Variants in AKAP11 observed in about 807,000 individuals in gnomAD.
The protein encoded by AKAP11 is A-kinase anchoring protein 11, also known as A-kinase anchor protein 11.
A neutral mutation model predicts 146.1 loss-of-function variants in AKAP11; 36 were observed. That is an observed-to-expected ratio of 0.25 (90% confidence interval 0.19 to 0.33). The LOEUF (loss-of-function observed/expected upper bound fraction) is 0.33. AKAP11 is among the 10% of genes least tolerant of loss of function. The pLI, the probability that AKAP11 is intolerant of heterozygous loss-of-function variation, is 1.00. For missense variants in AKAP11, 2,201 were observed against 2,197.0 expected (o/e 1.00, Z -0.04); for synonymous variants, 780 against 786.5 (o/e 0.99, Z 0.14).
chr13:42,282,463 A>C (rs1006428803), intron 1 of AKAP11, among the ~76,000 whole-genome samples: 1 of 152,028 alleles, frequency 6.6e-6, no homozygotes, highest in African/African-American at 2.4e-5. Flanking sequence ...AGTCTTTCAC[A>C]TATCTTTGTG....
chr13:42,299,199 A>G (rs537657515), intron 7 of AKAP11, among the ~76,000 whole-genome samples, 164 bp from the exon 8 acceptor site: 1 of 152,208 alleles, frequency 6.6e-6, no homozygotes, highest in African/African-American at 2.4e-5. Flanking sequence ...TATAAACAGT[A>G]TATTTACTTT....
chr13:42,308,289 A>G (rs1236076708), intron 8 of AKAP11, among the ~76,000 whole-genome samples, 165 bp from the exon 9 acceptor site: 3 of 152,186 alleles, frequency 2.0e-5, no homozygotes, highest in Non-Finnish European at 4.4e-5. Context: ...GCTATCCTAC[A>G]GTCTGTTTGT....
Position 42,301,313 on chromosome 13 carries a change from A to G in AKAP11, c.2567A>G (p.Asp856Gly). The G allele has an allele frequency of 6.2e-7, 1 of 1,613,944 alleles. No homozygotes were observed. The highest frequency in any genetic ancestry group is 8.5e-7 in the Non-Finnish European group (1 of 1,179,970). Residue 856 changes from aspartate to glycine, a missense_variant, in exon 8 of 13, where the codon GAT (aspartate) becomes GGT (glycine). Transcript: ENST00000025301. ...NQNDFKPTND[D>G]IEMQSSSKLP... ...AATGATTTTAAACCAACTAATGACGATATTGAAATGCAGAGTTCCTCAAAA... is the reference window on the plus strand; with the variant it reads ...AATGATTTTAAACCAACTAATGACGGTATTGAAATGCAGAGTTCCTCAAAA...
At position 42,301,605 on chromosome 13, in the gene AKAP11, G is replaced by A. The variant is rs939595380; in HGVS notation, c.2859G>A (p.Lys953=). 2 of 1,613,916 alleles carry A rather than the reference G, an allele frequency of 1.2e-6. No homozygotes were observed. The highest frequency in any genetic ancestry group is 1.7e-6 in the Non-Finnish European group (2 of 1,179,980). Residue 953 remains lysine, a synonymous_variant, in exon 8 of 13, where the codon AAG becomes AAA. Coordinates refer to ENST00000025301, the MANE Select transcript of AKAP11 (RefSeq NM_016248.4). ...CTATTATTAAACATTCCATAGATAA[G>A]AGCAAATCAGTGATCCCAAATATAG... ...SKSIIKHSID[K]SKSVIPNIDK...
rs878923334 is a variant in AKAP11, at chr13:42,322,825, A to G, written c.*3597A>G. Reference sequence around the variant, plus strand: ...CATTCCTTTCATAGGGTAGAGTTCTAGTTCTAGAAGTTCTTATTTTGTTTT... The same window carrying G: ...CATTCCTTTCATAGGGTAGAGTTCTGGTTCTAGAAGTTCTTATTTTGTTTT... On this transcript the variant is annotated 3_prime_UTR_variant, in exon 13 of 13. Transcript: ENST00000025301. The G allele has an allele frequency of 6.5e-5, 10 of 152,692 alleles. No individual in the cohort carries two copies. In the South Asian group the frequency reaches 1.7e-3, roughly 25 times the overall value. 9.5% of individuals were successfully genotyped at this position (152,692 alleles called of 1,614,324 possible).
In AKAP11 at chr13:42,300,275, A is replaced by G. The variant is rs1415880935; in HGVS notation, c.1529A>G (p.Asn510Ser). The change falls in exon 8 of 13, where the codon AAT becomes AGT. Residue 510 changes from asparagine to serine, a missense_variant. Around this residue, in one of 3 missense-constraint regions of AKAP11, gnomAD observed 1,867 missense variants for 1,833.5 expected, o/e 1.02. Transcript: ENST00000025301. ...LGSVLRTHHT[N>S]TLSNINSIKH... ...TCAGTTCTTCGTACCCACCATACTA[A>G]TACCCTATCAAATATTAACAGTATT... 1.9e-6 allele frequency: 3 copies of G among 1,613,658 alleles called. No homozygotes were observed. The highest frequency in any genetic ancestry group is 3.3e-5 in the Admixed American group (2 of 59,980).
chr13:42,301,224 A>T lies in AKAP11; in HGVS notation c.2478A>T (p.Arg826Ser). The T allele has an allele frequency of 1.9e-6, 3 of 1,614,062 alleles. No individual in the cohort carries two copies. In the South Asian group the frequency reaches 3.3e-5, roughly 18 times the overall value. ...SAQVHIATKNREEKAACLRNI... is the reference protein window; with the variant it reads ...SAQVHIATKNSEEKAACLRNI... Reference sequence around the variant, plus strand: ...AAGTGCATATTGCCACAAAAAACAGAGAAGAAAAAGCAGCTTGTCTCAGAA... The same window carrying T: ...AAGTGCATATTGCCACAAAAAACAGTGAAGAAAAAGCAGCTTGTCTCAGAA... The change falls in exon 8 of 13, where the codon AGA becomes AGT. Residue 826 changes from arginine to serine, a missense_variant. By Grantham distance (110) the Arg-to-Ser change is moderately radical (BLOSUM62 -1). Around this residue, in one of 3 missense-constraint regions of AKAP11, gnomAD observed 1,867 missense variants for 1,833.5 expected, o/e 1.02. Coordinates refer to ENST00000025301, the MANE Select transcript of AKAP11 (RefSeq NM_016248.4).
intron 1 of AKAP11, among the ~76,000 whole-genome samples, chr13:42,278,941 TTTCTTC>T (rs925718381): frequency 6.6e-6 from 1 of 152,222 alleles, no homozygotes; most frequent in Non-Finnish European, 1.5e-5. Context: ...CTTTTTTTTT[TTTCTTC>T]TTCTTAGTAC....
chr13:42,298,650 G>A lies in AKAP11; in HGVS notation c.469G>A (p.Asp157Asn), dbSNP rs760681829. 3 of 1,612,216 alleles carry A rather than the reference G, an allele frequency of 1.9e-6. No individual in the cohort carries two copies. Among genetic ancestry groups the A allele is most frequent in the Non-Finnish European group, 2.5e-6 (3 of 1,179,368 alleles). Residue 157 changes from aspartate (D) to asparagine (N), a missense_variant, in exon 7 of 13, where the codon GAC (aspartate) becomes AAC (asparagine). Asp to Asn is a conservative substitution (Grantham distance 23). Coordinates refer to ENST00000025301, the MANE Select transcript of AKAP11 (RefSeq NM_016248.4). ...KYATGIRYTL[D>N]TFLHQKHQLE... ...TGCTACTGGTATAAGGTACACCTTGGACACATTCTTGCATCAGAAGCACCA... is the reference window on the plus strand; with the variant it reads ...TGCTACTGGTATAAGGTACACCTTGAACACATTCTTGCATCAGAAGCACCA...
At chr13:42,286,775 A>G (rs1959170023) in intron 3 of AKAP11, among the ~76,000 whole-genome samples, 1 of 152,204 alleles carries the variant, frequency 6.6e-6, no homozygotes, top group African/African-American at 2.4e-5. Flanking sequence ...ATGTTGGGTA[A>G]TCAGTAACAA....
intron 1 of AKAP11, among the ~76,000 whole-genome samples, chr13:42,284,981 A>G (rs939687302): frequency 6.6e-6 from 1 of 152,264 alleles, no homozygotes; most frequent in Non-Finnish European, 1.5e-5. Context: ...TTGTCTAAAA[A>G]TTAAAATGTA....
chr13:42,292,511 A>G lies in AKAP11; in HGVS notation c.168+10A>G. On this transcript the variant is annotated intron_variant, in intron 4 of 12. Transcript: ENST00000025301. ...TGCCAATTTAACTGAGGTTTAACAT[A>G]CTACTTTCTAAACCCTTTCCTAATA... 6.7e-7 allele frequency: 1 copy of G among 1,494,302 alleles called. No individual in the cohort carries two copies. The highest frequency in any genetic ancestry group is 1.3e-5 in the South Asian group (1 of 79,258). The allele number at this position is 1,494,302 out of a possible 1,614,324, so 92.6% of individuals were successfully genotyped here. A position where few individuals can be genotyped will look rare whatever the true frequency, so the allele number is the denominator to read the frequency against.
At chr13:42,278,943 T>C (rs1271305137) in intron 1 of AKAP11, among the ~76,000 whole-genome samples, 1 of 151,936 alleles carries the variant, frequency 6.6e-6, no homozygotes, top group Non-Finnish European at 1.5e-5. Flanking sequence ...TTTTTTTTTT[T>C]CTTCTTCTTA....
Position 42,301,386 on chromosome 13 carries a change from G to A in AKAP11, c.2640G>A (p.Val880=). ...TTAGCAACTTTTCTGCAGCAGTGGT[G>A]CATACGATAGTAAATGAAACTTTAG... ...AIISNFSAAV[V]HTIVNETLES... The change falls in exon 8 of 13, where the codon GTG becomes GTA. Residue 880 remains valine, a synonymous_variant. Coordinates refer to ENST00000025301, the MANE Select transcript of AKAP11 (RefSeq NM_016248.4). 1.2e-6 allele frequency: 2 copies of A among 1,613,630 alleles called. No homozygotes were observed. Among genetic ancestry groups the A allele is most frequent in the South Asian group, 1.1e-5 (1 of 90,980 alleles).
intron 3 of AKAP11, among the ~76,000 whole-genome samples, chr13:42,290,478 T>G (rs925602306): frequency 1.4e-4 from 22 of 152,226 alleles, no homozygotes; most frequent in Non-Finnish European, 2.8e-4. Flanking sequence ...GAGTGTCCTT[T>G]TCCCCAGCTT....
At chr13:42,280,356 G>A (rs1291975697) in intron 1 of AKAP11, among the ~76,000 whole-genome samples, 2 of 152,190 alleles carry the variant, frequency 1.3e-5, no homozygotes, top group African/African-American at 2.4e-5. Context: ...GTCAAAATGT[G>A]TATTTGGAGT....
chr13:42,292,396 A>C lies in AKAP11; in HGVS notation c.63A>C (p.Glu21Asp). 6.4e-7 allele frequency: 1 copy of C among 1,561,798 alleles called. No homozygotes were observed. The highest frequency in any genetic ancestry group is 8.7e-7 in the Non-Finnish European group (1 of 1,143,562). ...TKASVRKSFS[E>D]DVFQSVKSLL... ...TCTTTCCCCTGCAGAGCTTCAGTGAAGATGTGTTCCAGTCTGTAAAGTCTT... is the reference window on the plus strand; with the variant it reads ...TCTTTCCCCTGCAGAGCTTCAGTGACGATGTGTTCCAGTCTGTAAAGTCTT... Residue 21 changes from glutamate (E) to aspartate (D), a missense_variant, in exon 4 of 13, where the codon GAA (glutamate) becomes GAC (aspartate). By Grantham distance (45) the Glu-to-Asp change is conservative. Transcript: ENST00000025301.
At chr13:42,298,028 A>G (rs1299616985) in intron 6 of AKAP11, among the ~76,000 whole-genome samples, 1 of 152,104 alleles carries the variant, frequency 6.6e-6, no homozygotes, top group Non-Finnish European at 1.5e-5. Flanking sequence ...TTTTAAAGCT[A>G]TAAACATTGT....
At chr13:42,279,522 T>A (rs765480555) in intron 1 of AKAP11, among the ~76,000 whole-genome samples, 9 of 152,188 alleles carry the variant, frequency 5.9e-5, no homozygotes, top group Non-Finnish European at 1.2e-4. Flanking sequence ...ATATTTAATT[T>A]TCATCTCTAA....
Sources: gnomAD v4.1 joint callset for allele counts (sites outside exome capture counted in the v4.1 genomes callset) on GRCh38, gnomAD v4.1.1 for gene constraint, gnomAD v4.1.1 regional missense constraint, MANE v1.5 for transcripts, NCBI Gene and HGNC (gene_info 2026-07-23, HGNC 2026-07-21) for gene names.